Variants in FGF14 observed in about 807,000 individuals in gnomAD.
FGF14 encodes fibroblast growth factor homologous factor 4.
In FGF14, 5 loss-of-function variants were observed where a neutral mutation model predicts 25.5. The ratio of observed to expected loss-of-function variants is 0.20; its 90% CI spans 0.10 to 0.41. FGF14 has a LOEUF of 0.41. Ranked by LOEUF, FGF14 falls within the 10% of genes least tolerant of loss-of-function variation. The pLI is 1.00. For synonymous variants in FGF14, 138 were observed against 118.3 expected, an observed-to-expected ratio of 1.17 and a Z score of -1.08; for missense variants, 222 against 320.1, an observed-to-expected ratio of 0.69 and a Z score of 2.34.
chr13:102,087,193 G>C (rs2043947181), intron 1 of FGF14, among the ~76,000 whole-genome samples: 1 of 152,124 alleles, frequency 6.6e-6, no homozygotes, highest in South Asian at 2.1e-4. Context: ...AGGTCTTTGT[G>C]TAATTCGCAA....
At chr13:101,888,408 T>G (rs1451281054) in intron 1 of FGF14, among the ~76,000 whole-genome samples, 3 of 152,176 alleles carry the variant, frequency 2.0e-5, no homozygotes, top group Admixed American at 1.3e-4. Context: ...TGGTAGCATT[T>G]TCTGTGTGCA....
chr13:102,151,403 C>T (rs2047078339), intron 1 of FGF14, among the ~76,000 whole-genome samples: 1 of 152,138 alleles, frequency 6.6e-6, no homozygotes, highest in Non-Finnish European at 1.5e-5. Flanking sequence ...TCTTCTTACG[C>T]CTTATTTTAA....
intron 1 of FGF14, among the ~76,000 whole-genome samples, chr13:102,280,390 A>C (rs1057149772): frequency 1.1e-4 from 17 of 152,198 alleles, no homozygotes; most frequent in Admixed American, 2.0e-4. Flanking sequence ...GTTTTATGTG[A>C]AAAACTGCAC....
intron 1 of FGF14, among the ~76,000 whole-genome samples, chr13:101,905,246 C>A (rs568614269): frequency 6.6e-6 from 1 of 152,120 alleles, no homozygotes; most frequent in Non-Finnish European, 1.5e-5. Context: ...TAAAGACACA[C>A]GCACATGTAT....
chr13:102,020,571 A>C (rs2040588110), intron 1 of FGF14, among the ~76,000 whole-genome samples: 1 of 151,374 alleles, frequency 6.6e-6, no homozygotes, highest in Non-Finnish European at 1.5e-5. Context: ...GAGAGAGAGA[A>C]GGAAGGAAAC....
intron 1 of FGF14, among the ~76,000 whole-genome samples, chr13:102,178,647 T>C (rs1275409468): frequency 6.6e-6 from 1 of 152,168 alleles, no homozygotes; most frequent in Non-Finnish European, 1.5e-5. Context: ...GGTATTTTAC[T>C]ATTTGTTTCG....
intron 1 of FGF14, among the ~76,000 whole-genome samples, chr13:101,961,547 G>A (rs2036858288): frequency 6.6e-6 from 1 of 151,964 alleles, no homozygotes; most frequent in Admixed American, 6.6e-5. Context: ...ATTGGTCTGT[G>A]ATATGCTTTG....
At chr13:102,262,581 TA>T (rs2052770829) in intron 1 of FGF14, among the ~76,000 whole-genome samples, 1 of 152,142 alleles carries the variant, frequency 6.6e-6, no homozygotes, top group African/African-American at 2.4e-5. Context: ...AATGTAGCTC[TA>T]AAAAAATCCA....
intron 1 of FGF14, among the ~76,000 whole-genome samples, chr13:102,136,886 C>T (rs1306760615): frequency 6.6e-6 from 1 of 152,192 alleles, no homozygotes; most frequent in African/African-American, 2.4e-5. Flanking sequence ...CTGCCTCTCT[C>T]CCATACTTGG....
intron 1 of FGF14, among the ~76,000 whole-genome samples, chr13:102,228,463 C>T (rs897392265): frequency 6.6e-6 from 1 of 152,144 alleles, no homozygotes; most frequent in African/African-American, 2.4e-5. Flanking sequence ...AAGCTTGAAA[C>T]TAAAATTGCC....
intron 1 of FGF14, among the ~76,000 whole-genome samples, chr13:102,375,276 AG>A (rs1447348562): frequency 6.7e-6 from 1 of 149,760 alleles, no homozygotes; most frequent in Admixed American, 6.9e-5. Context: ...GGATCGATCC[AG>A]GGGCAGGTGC....
chr13:101,909,494 C>A (rs1344916885), intron 1 of FGF14, among the ~76,000 whole-genome samples: 1 of 152,164 alleles, frequency 6.6e-6, no homozygotes, highest in East Asian at 1.9e-4. Flanking sequence ...TGAAAAAATG[C>A]TCATCATCAC....
chr13:101,763,782 C>A (rs895318664), intron 3 of FGF14, among the ~76,000 whole-genome samples: 1 of 152,142 alleles, frequency 6.6e-6, no homozygotes, highest in Non-Finnish European at 1.5e-5. Context: ...ATGGCTTGAA[C>A]CTGGGAGGCG....
intron 1 of FGF14, among the ~76,000 whole-genome samples, chr13:101,914,983 C>G (rs911327303): frequency 2.6e-5 from 4 of 152,150 alleles, no homozygotes; most frequent in African/African-American, 4.8e-5. Flanking sequence ...GAATAAGGCT[C>G]TAGGCTAATG....
chr13:101,913,360 C>A (rs1014852337), intron 1 of FGF14, among the ~76,000 whole-genome samples: 1 of 152,158 alleles, frequency 6.6e-6, no homozygotes, highest in Non-Finnish European at 1.5e-5. Flanking sequence ...TTGCAAATTT[C>A]TGTCCTTCAC....
intron 1 of FGF14, among the ~76,000 whole-genome samples, chr13:102,276,330 T>A (rs866023022): frequency 5.3e-5 from 3 of 56,080 alleles, no homozygotes; most frequent in East Asian, 4.7e-4. Flanking sequence ...CACACACACG[T>A]ACGTGTGTGT....
In FGF14 at chr13:102,117,020, A is replaced by T. The variant is rs533555840; in HGVS notation, c.209-241724T>A. On this transcript the variant is annotated intron_variant, in intron 1 of 4. Transcript: ENST00000376131. The stretch of plus-strand genomic sequence containing the variant: ...GGCTCCCACTCCCCTGTCCTTGGGA[A>T]CCTCATGCCAGCCAGGTAGGGGTCA... Among the ~76,000 whole-genome samples the T allele has an allele frequency of 4.6e-5, 7 of 152,176 alleles. No individual in the cohort carries two copies. The South Asian group carries it at 1.5e-3, about 32-fold the overall frequency.
At chr13:102,374,630 A>T (rs1430365791) in intron 1 of FGF14, among the ~76,000 whole-genome samples, 1 of 126,282 alleles carries the variant, frequency 7.9e-6, no homozygotes, top group Non-Finnish European at 1.7e-5. Context: ...TTTTTAATAC[A>T]TATCTTACAT....
intron 1 of FGF14, among the ~76,000 whole-genome samples, chr13:102,381,815 TTA>T (rs962459299): frequency 1.3e-5 from 2 of 152,216 alleles, no homozygotes; most frequent in Non-Finnish European, 2.9e-5. Flanking sequence ...CAGGACATTT[TTA>T]GAGTGTTCTT....
Sources: allele counts gnomAD v4.1 joint callset (sites outside exome capture counted in the v4.1 genomes callset), GRCh38; gene constraint gnomAD v4.1.1; transcripts MANE v1.5; gene names NCBI Gene and HGNC (gene_info 2026-07-23, HGNC 2026-07-21).